SCGB2B2: variants seen among roughly 807,000 people sequenced by gnomAD.
SCGB2B2 encodes secretoglobin-like protein.
In SCGB2B2, 11 loss-of-function variants were observed where a neutral mutation model predicts 7.6. The ratio of observed to expected loss-of-function variants is 1.45; its 90% CI spans 0.91 to 2.40. The LOEUF is 2.40. SCGB2B2 is among the 30% of genes most tolerant of loss of function. The pLI, the probability that SCGB2B2 is intolerant of heterozygous loss-of-function variation, is 0.00. For synonymous variants in SCGB2B2, 50 were observed against 48.6 expected (o/e 1.03, Z -0.12); for missense variants, 104 against 115.4 (o/e 0.90, Z 0.45).
In SCGB2B2 at chr19:34,656,472, A is replaced by G. The variant is rs542836556; in HGVS notation, c.-2032+19158T>C. Reference sequence around the variant, plus strand: ...ACAAAAATTAGCCAGATGTGGTGGCACCCACCTAAAATCCCAGCTACTCGG... The same window carrying G: ...ACAAAAATTAGCCAGATGTGGTGGCGCCCACCTAAAATCCCAGCTACTCGG... On this transcript the variant is annotated intron_variant, in intron 1 of 3. Transcript: ENST00000601241. Among the ~76,000 whole-genome samples, 102 of 151,112 alleles carry G rather than the reference A, an allele frequency of 6.7e-4. 1 individual carries two copies. The highest frequency in any genetic ancestry group is 1.0e-3 in the Non-Finnish European group (69 of 68,000).
intron 1 of SCGB2B2, among the ~76,000 whole-genome samples, chr19:34,653,185 G>A (rs2067204580): frequency 1.3e-5 from 2 of 151,124 alleles, no homozygotes; most frequent in East Asian, 3.9e-4. Context: ...GTAGAATAAT[G>A]GTTACTTGAG....
chr19:34,608,823 C>CT (rs1234142612), intron 1 of SCGB2B2: 1 of 145,540 alleles, frequency 6.9e-6, no homozygotes, highest in East Asian at 2.2e-4. Flanking sequence ...AATTTTCTTT[C>CT]TTTTTTTCTT....
rs2067462477 is a variant in SCGB2B2, at chr19:34,661,734, C to G, written c.-2032+13896G>C. 2.0e-5 allele frequency among the ~76,000 whole-genome samples: 3 copies of G among 152,196 alleles called. No homozygotes were observed. The South Asian group carries it at 6.2e-4, about 32-fold the overall frequency. Reference sequence around the variant, plus strand: ...TTCTCTTAAACCAAGCTTGTCCAACCTGCGGCCTGCAGGCCCCATGCAGCC... The same window carrying G: ...TTCTCTTAAACCAAGCTTGTCCAACGTGCGGCCTGCAGGCCCCATGCAGCC... On this transcript the variant is annotated intron_variant, in intron 1 of 3. Coordinates refer to ENST00000601241, the MANE Select transcript of SCGB2B2 (RefSeq NM_001025591.4).
At chr19:34,599,134 C>G (rs1404834277) in intron 1 of SCGB2B2, among the ~76,000 whole-genome samples, 2 of 152,230 alleles carry the variant, frequency 1.3e-5, no homozygotes, top group African/African-American at 4.8e-5. Context: ...GTAGGTTCAC[C>G]TTAGAGTTCT....
chr19:34,601,553 T>A (rs1214080806), intron 1 of SCGB2B2, among the ~76,000 whole-genome samples: 1 of 151,672 alleles, frequency 6.6e-6, no homozygotes, highest in Non-Finnish European at 1.5e-5. Flanking sequence ...TATGAATGTA[T>A]TAATTTATTT....
intron 1 of SCGB2B2, among the ~76,000 whole-genome samples, chr19:34,651,335 T>C (rs2067156898): frequency 6.6e-6 from 1 of 151,096 alleles, no homozygotes; most frequent in Non-Finnish European, 1.5e-5. Flanking sequence ...CACGATCTTA[T>C]GTACAGAAAA....
chr19:34,605,280 C>T (rs964139716), intron 1 of SCGB2B2, among the ~76,000 whole-genome samples: 3 of 152,158 alleles, frequency 2.0e-5, no homozygotes, highest in Non-Finnish European at 4.4e-5. Flanking sequence ...TGTGGATTTC[C>T]ATGAGTTTTG....
Position 34,652,953 on chromosome 19 carries a change from T to C in SCGB2B2, c.-2032+22677A>G, listed in dbSNP as rs1275111943. Among the ~76,000 whole-genome samples the C allele has an allele frequency of 4.6e-5, 7 of 151,420 alleles. No individual in the cohort carries two copies. In the East Asian group the frequency reaches 1.2e-3, roughly 25 times the overall value. On this transcript the variant is annotated intron_variant, in intron 1 of 3. Transcript: ENST00000601241. ...ACAATGGACAAAACATGGAATCGAC[T>C]TAAGTGTCCATGAACACGTGAACAG... is the stretch of plus-strand genomic sequence containing the variant.
chr19:34,645,801 C>T, intron 1 of SCGB2B2: 2 of 277,090 alleles, frequency 7.2e-6, no homozygotes, highest in Non-Finnish European at 1.5e-5. Context: ...AGGGTCTCAG[C>T]TGTCACTATT....
intron 1 of SCGB2B2, among the ~76,000 whole-genome samples, chr19:34,604,890 A>C (rs2065736102): frequency 6.6e-6 from 1 of 152,186 alleles, no homozygotes; most frequent in South Asian, 2.1e-4. Context: ...GACATATAAG[A>C]AGCATGTATA....
chr19:34,628,174 G>T (rs1736780009), intron 1 of SCGB2B2, among the ~76,000 whole-genome samples: 1 of 152,162 alleles, frequency 6.6e-6, no homozygotes, highest in Non-Finnish European at 1.5e-5. Context: ...AAGCAGGAAA[G>T]ATCAAAATTG....
At chr19:34,668,465 G>A (rs965558265) in intron 1 of SCGB2B2, among the ~76,000 whole-genome samples, 6 of 152,194 alleles carry the variant, frequency 3.9e-5, no homozygotes, top group Admixed American at 2.6e-4. Flanking sequence ...CAGCCTCCGA[G>A]ACGAGCGCCG....
chr19:34,644,340 T>C (rs933226536), intron 1 of SCGB2B2, among the ~76,000 whole-genome samples: 15 of 129,724 alleles, frequency 1.2e-4, no homozygotes, highest in African/African-American at 4.7e-4. Context: ...AGCCCCAGCC[T>C]TGTTTTTTTG....
chr19:34,669,792 CA>C (rs1215279585), intron 1 of SCGB2B2, among the ~76,000 whole-genome samples: 2 of 150,872 alleles, frequency 1.3e-5, no homozygotes, highest in Admixed American at 6.6e-5. Flanking sequence ...TGAGTGACCA[CA>C]CAGAGAGGCC....
rs548859789 is a variant in SCGB2B2 at position 34,596,121 on chromosome 19, T to C, written c.-1558A>G. The C allele has an allele frequency of 6.6e-6, 1 of 152,396 alleles. No homozygotes were observed. Among genetic ancestry groups the C allele is most frequent in the South Asian group, 2.1e-4 (1 of 4,834 alleles). 9.4% of individuals were successfully genotyped at this position (152,396 alleles called of 1,614,324 possible). On this transcript the variant is annotated 5_prime_UTR_variant, in exon 2 of 4. Transcript: ENST00000601241. The stretch of plus-strand genomic sequence containing the variant: ...CAGGACTTGGGCCTCTTAAAGGACC[T>C]ACCCAGCATTGGGTAGGACTTAGAG...
intron 1 of SCGB2B2, among the ~76,000 whole-genome samples, chr19:34,637,539 G>A (rs1436275428): frequency 2.0e-5 from 3 of 152,026 alleles, no homozygotes; most frequent in African/African-American, 7.3e-5. Flanking sequence ...GGTCCATCGT[G>A]AGTCCCTCGA....
intron 1 of SCGB2B2, among the ~76,000 whole-genome samples, chr19:34,610,494 G>A: frequency 6.6e-6 from 1 of 152,100 alleles, no homozygotes; most frequent in East Asian, 1.9e-4. Context: ...TCTATACCCG[G>A]TTTGTTAAGA....
At chr19:34,643,029 A>G (rs911383798) in intron 1 of SCGB2B2, among the ~76,000 whole-genome samples, 1 of 152,178 alleles carries the variant, frequency 6.6e-6, no homozygotes, top group African/African-American at 2.4e-5. Flanking sequence ...AACTAAAACT[A>G]TCATACAATC....
chr19:34,642,243 C>T (rs1019706574), intron 1 of SCGB2B2, among the ~76,000 whole-genome samples: 2 of 152,212 alleles, frequency 1.3e-5, no homozygotes, highest in Non-Finnish European at 2.9e-5. Flanking sequence ...TCCTCAGTGT[C>T]CTCAGTATCA....
Sources: allele counts gnomAD v4.1 joint callset (sites outside exome capture counted in the v4.1 genomes callset), GRCh38; gene constraint gnomAD v4.1.1; transcripts MANE v1.5; gene names NCBI Gene and HGNC (gene_info 2026-07-23, HGNC 2026-07-21).